Variants in CYFIP1 observed in about 807,000 individuals in gnomAD.
The protein encoded by CYFIP1 is cytoplasmic FMR1-interacting protein 1.
CYFIP1 carries 58 observed loss-of-function variants against 163.5 expected under a neutral mutation model. That is an observed-to-expected ratio of 0.35 (90% CI 0.29 to 0.44). CYFIP1 has a LOEUF of 0.44. Ranked by LOEUF, CYFIP1 falls within the 20% of genes least tolerant of loss-of-function variation. The pLI, the probability that CYFIP1 is intolerant of heterozygous loss-of-function variation, is 1.00. For synonymous variants in CYFIP1, 663 were observed against 660.7 expected, an observed-to-expected ratio of 1.00 and a Z score of -0.05; for missense variants, 1,338 against 1,653.8, an observed-to-expected ratio of 0.81 and a Z score of 3.31.
Position 22,890,139 on chromosome 15 carries a change from T to TA in CYFIP1, c.2676+2750dup, listed in dbSNP as rs375604535. ...CAACATGGTGAAACCCCATCTCTAC[T>TA]AAAAAAAAAAAAAATACAAAAAATT... On this transcript the variant is annotated intron_variant, in intron 23 of 30. Transcript: ENST00000617928. 6.7e-3 allele frequency among the ~76,000 whole-genome samples: 921 copies of TA among 137,966 alleles called. 8 individuals are homozygous for TA. The highest frequency in any genetic ancestry group is 0.02 in the African/African-American group (732 of 37,478). The allele number at this position is 137,966 out of a possible 152,430, so 90.5% of individuals were successfully genotyped here. A position where few individuals can be genotyped will look rare whatever the true frequency, so the allele number is the denominator to read the frequency against.
chr15:22,946,951 T>G, intron 3 of CYFIP1, 52 bp downstream of exon 3: 1 of 1,514,728 alleles, frequency 6.6e-7, no homozygotes, highest in Non-Finnish European at 9.2e-7. Flanking sequence ...ACATCTGTCC[T>G]TCAAACACGC....
chr15:22,944,740 C>T lies in CYFIP1; in HGVS notation c.286-81G>A, dbSNP rs915562875. ...CGCTGGGCTTCTAGAGCTAGTGATC[C>T]CGCCCTGCTGTGGGGTGAGAACTGG... On this transcript the variant is annotated intron_variant, in intron 4 of 30. Transcript: ENST00000617928. 11 of 1,519,708 alleles carry T rather than the reference C, an allele frequency of 7.2e-6. No homozygotes were observed. The African/African-American group carries it at 1.4e-4, about 19-fold the overall frequency. 94.1% of individuals were successfully genotyped at this position (1,519,708 alleles called of 1,614,324 possible). A position where few individuals can be genotyped will look rare whatever the true frequency, so the allele number is the denominator to read the frequency against.
At position 22,918,488 on chromosome 15, in the gene CYFIP1, T is replaced by G. The variant is rs113016255; in HGVS notation, c.1526+204A>C. On this transcript the variant is annotated intron_variant, in intron 14 of 30. Coordinates refer to ENST00000617928, the MANE Select transcript of CYFIP1 (RefSeq NM_014608.6). ...CGGGGTCCTCAGACTCCCTAGACAC[T>G]CGGCAGCTGACTTACTGTCCATTGT... Among the ~76,000 whole-genome samples the G allele has an allele frequency of 1.0e-3, 154 of 152,294 alleles. 1 individual carries two copies. Among genetic ancestry groups the G allele is most frequent in the African/African-American group, 3.4e-3 (141 of 41,554 alleles).
chr15:22,954,806 G>T (rs2062387844), intron 1 of CYFIP1, among the ~76,000 whole-genome samples: 1 of 152,182 alleles, frequency 6.6e-6, no homozygotes, highest in Non-Finnish European at 1.5e-5. Context: ...GTAAATTTAA[G>T]AGTTTTTAAA....
At chr15:22,874,906 C>G (rs1201856333) in intron 27 of CYFIP1, among the ~76,000 whole-genome samples, 2 of 152,144 alleles carry the variant, frequency 1.3e-5, no homozygotes, top group Admixed American at 1.3e-4. Flanking sequence ...TGAGCCTGTA[C>G]CCATCATCTG....
chr15:22,899,339 T>C (rs1423292058), intron 22 of CYFIP1, among the ~76,000 whole-genome samples: 1 of 152,172 alleles, frequency 6.6e-6, no homozygotes, highest in Non-Finnish European at 1.5e-5. Flanking sequence ...CGTAGGTAAC[T>C]ATATAGAAAT....
At chr15:22,980,093 G>A (rs1332310300) in intron 1 of CYFIP1, among the ~76,000 whole-genome samples, 194 bp downstream of exon 1, 1 of 150,910 alleles carries the variant, frequency 6.6e-6, no homozygotes, top group Non-Finnish European at 1.5e-5. Flanking sequence ...CGGGAGCCCG[G>A]GGCCGGGACC....
Position 22,917,539 on chromosome 15 carries a change from G to A in CYFIP1, c.1674+249C>T. ...GACTTGTGCCCACATTTTTGGGATGGGAGTTGAAATGGAGTCAGACTCCTT... is the reference window on the plus strand; with the variant it reads ...GACTTGTGCCCACATTTTTGGGATGAGAGTTGAAATGGAGTCAGACTCCTT... On this transcript the variant is annotated intron_variant, in intron 15 of 30. Coordinates refer to ENST00000617928, the MANE Select transcript of CYFIP1 (RefSeq NM_014608.6). This position sits in a 1 kb window ranked among gnomAD's most constrained non-coding sequence, Gnocchi z 4.2. The A allele has an allele frequency of 1.8e-6, 1 of 553,372 alleles. No individual in the cohort carries two copies. Among genetic ancestry groups the A allele is most frequent in the Non-Finnish European group, 3.0e-6 (1 of 329,800 alleles). 34.3% of individuals were successfully genotyped at this position (553,372 alleles called of 1,614,324 possible). A position where few individuals can be genotyped will look rare whatever the true frequency, so the allele number is the denominator to read the frequency against.
chr15:22,929,809 G>A (rs28680398), intron 11 of CYFIP1, among the ~76,000 whole-genome samples: 13,179 of 150,612 alleles, frequency 0.088, 568 homozygotes, highest in Admixed American at 0.11. Context: ...GGTGGCGGGC[G>A]CCTGTAGTCC....
chr15:22,959,391 G>C (rs1379354095), intron 1 of CYFIP1, among the ~76,000 whole-genome samples: 1 of 152,230 alleles, frequency 6.6e-6, no homozygotes, highest in African/African-American at 2.4e-5. Context: ...ACACCACAGA[G>C]GGGGCGCTCC....
chr15:22,942,308 T>A (rs1490618739), intron 6 of CYFIP1, among the ~76,000 whole-genome samples: 2 of 152,226 alleles, frequency 1.3e-5, no homozygotes, highest in African/African-American at 4.8e-5. Context: ...TCTCTTCGAA[T>A]TTAATTTTAG....
chr15:22,973,031 G>A (rs540185340), intron 1 of CYFIP1, among the ~76,000 whole-genome samples: 1 of 152,238 alleles, frequency 6.6e-6, no homozygotes, highest in African/African-American at 2.4e-5. Flanking sequence ...AGCTACTCAG[G>A]AGGCTGAGAC....
intron 1 of CYFIP1, among the ~76,000 whole-genome samples, chr15:22,975,616 G>A (rs1376733292): frequency 6.6e-6 from 1 of 152,028 alleles, no homozygotes; most frequent in African/African-American, 2.4e-5. Flanking sequence ...CAAAATTAGT[G>A]GGAGTGGTGG....
chr15:22,899,655 C>T (rs2060336271), intron 22 of CYFIP1, among the ~76,000 whole-genome samples: 1 of 152,186 alleles, frequency 6.6e-6, no homozygotes, highest in Non-Finnish European at 1.5e-5. Context: ...AAACCTCTTT[C>T]TTTTGTAAAT....
intron 1 of CYFIP1, among the ~76,000 whole-genome samples, chr15:22,962,660 T>A (rs2062726991): frequency 6.6e-6 from 1 of 152,044 alleles, no homozygotes; most frequent in African/African-American, 2.4e-5. Context: ...AGCCTCGGCC[T>A]CCCAAAGTGC....
rs576384993 is a variant in CYFIP1 at position 22,959,246 on chromosome 15, G to A, written c.-6-11955C>T. Among the ~76,000 whole-genome samples, 8 of 152,278 alleles carry A rather than the reference G, an allele frequency of 5.3e-5. No individual in the cohort carries two copies. In the South Asian group the frequency reaches 1.0e-3, roughly 20 times the overall value. On this transcript the variant is annotated intron_variant, in intron 1 of 30. Transcript: ENST00000617928. The stretch of plus-strand genomic sequence containing the variant: ...AAACAATTAAGGAGTGCTCCTCGAC[G>A]ACGGCCATTCCTTCATCTTTCACCC...
At chr15:22,945,704 G>A (rs1378410170) in intron 3 of CYFIP1, among the ~76,000 whole-genome samples, 2 of 151,640 alleles carry the variant, frequency 1.3e-5, no homozygotes, top group Non-Finnish European at 2.9e-5. Flanking sequence ...CTCCTGAGTA[G>A]CTGGGATTAC....
Position 22,868,323 on chromosome 15 carries a change from C to T in CYFIP1, c.*1705G>A, listed in dbSNP as rs1315452926. ...ACATAAAAGAACCAGTTTTCTCCCC[C>T]TTGAGGACAGAGACTCATTTGAACA... is the stretch of plus-strand genomic sequence containing the variant. On this transcript the variant is annotated 3_prime_UTR_variant, in exon 31 of 31. Transcript: ENST00000617928. The T allele has an allele frequency of 6.6e-6, 1 of 152,146 alleles. No individual in the cohort carries two copies. Among genetic ancestry groups the T allele is most frequent in the Non-Finnish European group, 1.5e-5 (1 of 68,026 alleles). 9.4% of individuals were successfully genotyped at this position (152,146 alleles called of 1,614,324 possible).
intron 5 of CYFIP1, among the ~76,000 whole-genome samples, chr15:22,944,107 C>A (rs921514366): frequency 6.6e-6 from 1 of 151,772 alleles, no homozygotes; most frequent in African/African-American, 2.4e-5. Flanking sequence ...GGCGTGGTGG[C>A]GGGCACCTGT....
Sources: allele counts gnomAD v4.1 joint callset (sites outside exome capture counted in the v4.1 genomes callset), GRCh38; gene constraint gnomAD v4.1.1; non-coding constraint Gnocchi (gnomAD v3.1); transcripts MANE v1.5; gene names NCBI Gene and HGNC (gene_info 2026-07-23, HGNC 2026-07-21).